The following FHOD3 variants were observed in gnomAD, a reference collection of about 807,000 sequenced individuals.
FHOD3 encodes the protein FH1/FH2 domain-containing protein 3.
A neutral mutation model predicts 173.0 loss-of-function variants in FHOD3; 90 were observed. That is an observed-to-expected ratio of 0.52 (90% confidence interval 0.44 to 0.62). FHOD3 has a LOEUF of 0.62. Among genes scored for constraint, FHOD3 ranks in the 20% least tolerant of loss-of-function variants. The pLI is 0.00. For synonymous variants in FHOD3, 828 were observed against 823.0 expected (o/e 1.01, Z -0.10); for missense variants, 1,945 against 2,034.7 (o/e 0.96, Z 0.85).
At chr18:36,495,612 A>G (rs957646720) in intron 3 of FHOD3, among the ~76,000 whole-genome samples, 2 of 152,214 alleles carry the variant, frequency 1.3e-5, no homozygotes, top group Non-Finnish European at 2.9e-5. Context: ...CAGTGGGCAC[A>G]CTTGAATTCC....
At chr18:36,687,839 A>T (rs1475570881) in intron 16 of FHOD3, among the ~76,000 whole-genome samples, 2 of 152,216 alleles carry the variant, frequency 1.3e-5, no homozygotes, top group African/African-American at 4.8e-5. Context: ...CATTTATGGT[A>T]CGAATCTTTG....
At position 36,454,057 on chromosome 18, in the gene FHOD3, C is replaced by G. The variant is rs1599183158; in HGVS notation, c.338-47875C>G. 2.0e-5 allele frequency among the ~76,000 whole-genome samples: 3 copies of G among 152,294 alleles called. 1 individual carries two copies. Among genetic ancestry groups the G allele is most frequent in the East Asian group, 1.9e-4 (1 of 5,184 alleles). ...TCTTTTATTTTATTCTTCCCCACCACATTTTAAAATCCAATGTATTTTGCA... is the reference window on the plus strand; with the variant it reads ...TCTTTTATTTTATTCTTCCCCACCAGATTTTAAAATCCAATGTATTTTGCA... On this transcript the variant is annotated intron_variant, in intron 3 of 28. Coordinates refer to ENST00000590592, the MANE Select transcript of FHOD3 (RefSeq NM_001281740.3).
chr18:36,729,205 T>C (rs2041228452), intron 19 of FHOD3, among the ~76,000 whole-genome samples: 1 of 152,152 alleles, frequency 6.6e-6, no homozygotes, highest in African/African-American at 2.4e-5. Context: ...GCCTCATTCA[T>C]CTTTGTTACT....
chr18:36,313,602 G>T (rs576452163), intron 1 of FHOD3, among the ~76,000 whole-genome samples: 1 of 152,328 alleles, frequency 6.6e-6, no homozygotes, highest in Admixed American at 6.5e-5. Flanking sequence ...TGCTTCAGGA[G>T]TTCCTGCCTT....
At chr18:36,566,844 G>C (rs542956375) in intron 5 of FHOD3, among the ~76,000 whole-genome samples, 7 of 151,972 alleles carry the variant, frequency 4.6e-5, no homozygotes, top group African/African-American at 1.2e-4. Context: ...AGATTCCAAA[G>C]TTTTCTGATT....
At chr18:36,428,564 G>T (rs1040878854) in intron 3 of FHOD3, among the ~76,000 whole-genome samples, 3 of 152,040 alleles carry the variant, frequency 2.0e-5, no homozygotes, top group African/African-American at 7.3e-5. Context: ...GGGGCGGGAT[G>T]TGAAACAGAA....
intron 2 of FHOD3, among the ~76,000 whole-genome samples, chr18:36,371,101 T>A (rs969299795): frequency 6.6e-6 from 1 of 152,148 alleles, no homozygotes; most frequent in African/African-American, 2.4e-5. Context: ...ATGGCTTCCA[T>A]ATAAAAAATG....
chr18:36,310,399 C>T (rs2092223890), intron 1 of FHOD3, among the ~76,000 whole-genome samples: 1 of 152,016 alleles, frequency 6.6e-6, no homozygotes, highest in Non-Finnish European at 1.5e-5. Flanking sequence ...GAAATATCAA[C>T]TTGGGGCCGG....
chr18:36,373,452 A>G (rs950626315), intron 3 of FHOD3, among the ~76,000 whole-genome samples: 7 of 151,532 alleles, frequency 4.6e-5, no homozygotes, highest in Non-Finnish European at 7.4e-5. Flanking sequence ...ACCCGAAAAC[A>G]TATTCATGGG....
intron 3 of FHOD3, among the ~76,000 whole-genome samples, chr18:36,387,989 C>T (rs563538988): frequency 1.3e-5 from 2 of 152,216 alleles, no homozygotes; most frequent in East Asian, 3.9e-4. Flanking sequence ...TGGAACTGTC[C>T]TGAGCCTTAG....
intron 14 of FHOD3, among the ~76,000 whole-genome samples, chr18:36,680,886 G>A (rs2038193455): frequency 6.6e-6 from 1 of 152,116 alleles, no homozygotes. Context: ...AATATTTTTA[G>A]TGCATGTATA....
chr18:36,453,651 G>A (rs1198966073), intron 3 of FHOD3, among the ~76,000 whole-genome samples: 1 of 152,228 alleles, frequency 6.6e-6, no homozygotes, highest in Admixed American at 6.5e-5. Context: ...AAGGCATGAT[G>A]AAGGGGCTCA....
chr18:36,305,519 C>T (rs2092068799), intron 1 of FHOD3, among the ~76,000 whole-genome samples: 1 of 152,188 alleles, frequency 6.6e-6, no homozygotes, highest in Non-Finnish European at 1.5e-5. Flanking sequence ...CCTCATCATG[C>T]ACTGATTTTT....
intron 3 of FHOD3, among the ~76,000 whole-genome samples, chr18:36,482,863 AGAGAGAG>A (rs1461275984): frequency 1.1e-4 from 2 of 17,764 alleles, no homozygotes; most frequent in Non-Finnish European, 2.5e-4. Flanking sequence ...ACACACAGAG[AGAGAGAG>A]AGAGAGAGAG....
intron 1 of FHOD3, among the ~76,000 whole-genome samples, chr18:36,304,308 G>A (rs1276526158): frequency 1.3e-5 from 2 of 152,140 alleles, no homozygotes; most frequent in Non-Finnish European, 2.9e-5. Flanking sequence ...CCAGATAAGA[G>A]ACAAGTAGGT....
chr18:36,667,282 A>G (rs1392128065), intron 14 of FHOD3, among the ~76,000 whole-genome samples: 1 of 152,214 alleles, frequency 6.6e-6, no homozygotes, highest in Non-Finnish European at 1.5e-5. Flanking sequence ...TTTGCTATAC[A>G]AAAATAATAA....
intron 9 of FHOD3, among the ~76,000 whole-genome samples, chr18:36,623,099 T>C (rs1013061294): frequency 6.6e-6 from 1 of 152,260 alleles, no homozygotes; most frequent in Admixed American, 6.5e-5. Flanking sequence ...TGCCATGTTA[T>C]GGTGTTGCCT....
chr18:36,303,032 G>A (rs1323589418), intron 1 of FHOD3, among the ~76,000 whole-genome samples: 3 of 152,198 alleles, frequency 2.0e-5, no homozygotes, highest in Non-Finnish European at 4.4e-5. Flanking sequence ...CTCTTGCAAC[G>A]ATCTGGGTTG....
intron 27 of FHOD3, among the ~76,000 whole-genome samples, chr18:36,763,237 CGT>C (rs2042980120): frequency 7.0e-6 from 1 of 142,482 alleles, no homozygotes; most frequent in Admixed American, 7.1e-5. Context: ...ATACAATATG[CGT>C]ATTATACACG....
Sources: allele counts gnomAD v4.1 joint callset (sites outside exome capture counted in the v4.1 genomes callset), GRCh38; gene constraint gnomAD v4.1.1; transcripts MANE v1.5; gene names NCBI Gene and HGNC (gene_info 2026-07-23, HGNC 2026-07-21).